PCGF3: variants seen among roughly 807,000 people sequenced by gnomAD.
PCGF3 encodes polycomb group ring finger 3.
PCGF3 carries 7 observed loss-of-function variants against 33.1 expected under a neutral mutation model. That is an observed-to-expected ratio of 0.21 (90% CI 0.12 to 0.40). The LOEUF (loss-of-function observed/expected upper bound fraction) is 0.40. PCGF3 is among the 10% of genes least tolerant of loss of function. The pLI is 1.00. For synonymous variants in PCGF3, 153 were observed against 121.3 expected, an observed-to-expected ratio of 1.26 and a Z score of -1.72; for missense variants, 211 against 313.3, an observed-to-expected ratio of 0.67 and a Z score of 2.46.
chr4:740,889 G>A (rs747504), intron 6 of PCGF3, among the ~76,000 whole-genome samples: 65,128 of 151,926 alleles, frequency 0.43, 14,078 homozygotes, highest in South Asian at 0.55. Context: ...GGTGGCTTTG[G>A]GCAGCCCTCT....
At chr4:727,231 G>GTTTTTTTTTTT (rs1276834611) in intron 1 of PCGF3, among the ~76,000 whole-genome samples, 1 of 93,894 alleles carries the variant, frequency 1.1e-5, no homozygotes, top group Non-Finnish European at 2.4e-5. Flanking sequence ...GTTAGCGAGC[G>GTTTTTTTTTTT]TCTTTTTTTT....
chr4:708,761 C>G (rs968358895), intron 1 of PCGF3, among the ~76,000 whole-genome samples: 22 of 152,210 alleles, frequency 1.4e-4, no homozygotes, highest in South Asian at 2.1e-4. Flanking sequence ...AGAGGCGTTT[C>G]CAGTGTCCGG....
chr4:767,585 T>A (rs1745438568), exon 11 of PCGF3: 1 of 151,658 alleles, frequency 6.6e-6, no homozygotes, highest in Non-Finnish European at 1.5e-5. Context: ...TTCTGCTTCC[T>A]TTAGATAAAA....
intron 1 of PCGF3, among the ~76,000 whole-genome samples, chr4:709,929 T>C (rs1461619714): frequency 6.6e-6 from 1 of 152,216 alleles, no homozygotes; most frequent in Non-Finnish European, 1.5e-5. Flanking sequence ...TGACATATCC[T>C]TTACTGTTTT....
chr4:715,693 G>A (rs868810707), intron 1 of PCGF3, among the ~76,000 whole-genome samples: 9 of 113,454 alleles, frequency 7.9e-5, no homozygotes, highest in South Asian at 3.5e-4. Flanking sequence ...AGAACTGGGC[G>A]TCGGTGCTGG....
chr4:748,664 A>T (rs537007093), intron 8 of PCGF3, among the ~76,000 whole-genome samples: 20 of 152,092 alleles, frequency 1.3e-4, no homozygotes, highest in Non-Finnish European at 2.2e-4. Context: ...CGAGGAAATC[A>T]CCTTCTTCTT....
At chr4:749,337 A>T (rs7376403) in intron 8 of PCGF3, among the ~76,000 whole-genome samples, 115,314 of 151,436 alleles carry the variant, frequency 0.76, 44,110 homozygotes, top group East Asian at 0.83. Context: ...GCTAATTTTG[A>T]ATTTTTAGTA....
At chr4:768,416 C>G (rs746002017) in exon 11 of PCGF3, 2 of 152,094 alleles carry the variant, frequency 1.3e-5, no homozygotes, top group African/African-American at 4.8e-5. Context: ...CAGAAAAAGG[C>G]TGAATTTCAT....
chr4:723,141 T>A (rs1313633044), intron 1 of PCGF3, among the ~76,000 whole-genome samples: 1 of 144,252 alleles, frequency 6.9e-6, no homozygotes, highest in African/African-American at 2.6e-5. Context: ...CCACACTCAG[T>A]CATCGCCGTC....
chr4:736,484 G>T (rs560125073), intron 5 of PCGF3, among the ~76,000 whole-genome samples: 25 of 148,638 alleles, frequency 1.7e-4, no homozygotes, highest in African/African-American at 6.1e-4. Flanking sequence ...CGCATAGGAT[G>T]CAGGGAACCC....
At chr4:742,139 C>T (rs1461163359) in intron 6 of PCGF3, among the ~76,000 whole-genome samples, 3 of 151,734 alleles carry the variant, frequency 2.0e-5, no homozygotes, top group African/African-American at 7.3e-5. Flanking sequence ...TGCCCAGGCT[C>T]TCGGGGTCCC....
chr4:738,490 C>A (rs73221137), intron 6 of PCGF3, among the ~76,000 whole-genome samples: 4,729 of 152,262 alleles, frequency 0.031, 134 homozygotes, highest in South Asian at 0.089. Context: ...GTTTCAGACG[C>A]GTAGCAGTGG....
exon 11 of PCGF3, chr4:766,261 G>C: frequency 1.7e-6 from 1 of 582,064 alleles, no homozygotes; most frequent in South Asian, 2.0e-5. Flanking sequence ...CGTTTACAGA[G>C]GATGAAAACA....
intron 1 of PCGF3, among the ~76,000 whole-genome samples, chr4:727,513 T>G (rs1577407218): frequency 6.6e-6 from 1 of 152,170 alleles, no homozygotes; most frequent in East Asian, 1.9e-4. Context: ...GTGCTGGGAT[T>G]ACAAGCATGA....
chr4:754,959 C>T (rs375627026), intron 8 of PCGF3, among the ~76,000 whole-genome samples: 1 of 152,212 alleles, frequency 6.6e-6, no homozygotes, highest in African/African-American at 2.4e-5. Context: ...AGATCTTGGG[C>T]TCTTTTTCAC....
At chr4:734,938 G>A in exon 5 of PCGF3, 1 of 1,613,490 alleles carries the variant, frequency 6.2e-7, no homozygotes. Context: ...CAGTCTGCAG[G>A]AGCTGCCTGG....
At chr4:764,621 A>G (rs1408116052) in intron 9 of PCGF3, 1 of 197,556 alleles carries the variant, frequency 5.1e-6, no homozygotes, top group Non-Finnish European at 1.0e-5. Flanking sequence ...TGTCAAGAGA[A>G]AAAGGGTTCA....
At chr4:758,419 C>T (rs1449682780) in intron 8 of PCGF3, among the ~76,000 whole-genome samples, 3 of 146,272 alleles carry the variant, frequency 2.1e-5, no homozygotes, top group African/African-American at 7.8e-5. Context: ...TCTTTCTCCC[C>T]GCGCGGCCCC....
intron 1 of PCGF3, among the ~76,000 whole-genome samples, chr4:710,307 A>G (rs1742510142): frequency 6.6e-6 from 1 of 152,230 alleles, no homozygotes; most frequent in Admixed American, 6.5e-5. Context: ...TCTATAGGGC[A>G]GCTCCGAGGG....
Sources: allele counts gnomAD v4.1 joint callset (sites outside exome capture counted in the v4.1 genomes callset), GRCh38; gene constraint gnomAD v4.1.1; transcripts MANE v1.5; gene names NCBI Gene and HGNC (gene_info 2026-07-23, HGNC 2026-07-21).